The following ASIC4 variants were observed in gnomAD, a reference collection of about 807,000 sequenced individuals.
ASIC4 encodes the protein acid sensing ion channel subunit family member 4.
Under a neutral mutation model 53.4 loss-of-function variants are expected in ASIC4, and 28 were observed. The ratio of observed to expected loss-of-function variants is 0.52; its 90% CI spans 0.39 to 0.72. The LOEUF (loss-of-function observed/expected upper bound fraction) is 0.72. Ranked by LOEUF, ASIC4 falls within the 30% of genes least tolerant of loss-of-function variation. ASIC4 has a pLI of 0.00. For synonymous variants in ASIC4, 289 were observed against 301.4 expected (o/e 0.96, Z 0.43); for missense variants, 649 against 729.7 (o/e 0.89, Z 1.27).
intron 6 of ASIC4, among the ~76,000 whole-genome samples, chr2:219,535,772 CTTTTT>C (rs869106424): frequency 1.6e-4 from 21 of 128,712 alleles, no homozygotes; most frequent in Non-Finnish European, 2.8e-4. Context: ...TCTTCTCCTT[CTTTTT>C]TTTTTTTTTT....
In ASIC4 at chr2:219,536,364, C is replaced by T. The variant is rs1383549015; in HGVS notation, c.1230-702C>T. On this transcript the variant is annotated intron_variant, in intron 6 of 9. Coordinates refer to ENST00000358078, the MANE Select transcript of ASIC4 (RefSeq NM_018674.6). The surrounding 1 kb of genome is among the most constrained non-coding windows in gnomAD (Gnocchi z 4.6). The stretch of plus-strand genomic sequence containing the variant: ...TCTGGTCCCCTCCAGCCAGTCTACA[C>T]TTGTGGAGCGTGGTCTGGGTGCCAG... Among the ~76,000 whole-genome samples the T allele has an allele frequency of 9.2e-5, 14 of 152,228 alleles. No individual in the cohort carries two copies. Among genetic ancestry groups the T allele is most frequent in the Non-Finnish European group, 2.1e-4 (14 of 68,044 alleles).
chr2:219,513,723 A>G (rs988792542), upstream of ASIC4, among the ~76,000 whole-genome samples: 2 of 152,198 alleles, frequency 1.3e-5, no homozygotes, highest in Non-Finnish European at 2.9e-5. Flanking sequence ...GGCCACAGAT[A>G]TGCAAGCTGG....
At chr2:219,511,849 T>TTATCACCCAACTGCTG (rs1367162852), upstream of ASIC4, among the ~76,000 whole-genome samples, 1 of 150,280 alleles carries the variant, frequency 6.7e-6, no homozygotes, top group African/African-American at 2.5e-5. This position sits in a 1 kb window ranked among gnomAD's most constrained non-coding sequence, Gnocchi z 5.3. Flanking sequence ...ATGAGGGAGA[T>TTATCACCCAACTGCTG]TATCACCCAA....
At chr2:219,525,423 G>A (rs1362142124) in intron 1 of ASIC4, among the ~76,000 whole-genome samples, 2 of 152,238 alleles carry the variant, frequency 1.3e-5, no homozygotes, top group Admixed American at 6.5e-5. Context: ...TGATGGAGCT[G>A]GAGCTGAAAC....
At chr2:219,512,420 T>G (rs1694713917), upstream of ASIC4, among the ~76,000 whole-genome samples, 2 of 152,106 alleles carry the variant, frequency 1.3e-5, no homozygotes, top group South Asian at 4.2e-4. Flanking sequence ...CCCGCTTTCT[T>G]GGCAAAGCCC....
At chr2:219,523,878 T>A (rs1574490445) in intron 1 of ASIC4, among the ~76,000 whole-genome samples, 1 of 151,864 alleles carries the variant, frequency 6.6e-6, no homozygotes, top group African/African-American at 2.4e-5. Context: ...TGGAGTGCAG[T>A]GGTGCCATCA....
rs558002264 is a variant in ASIC4, at chr2:219,536,606, G to T, written c.1230-460G>T. Among the ~76,000 whole-genome samples, 20 of 152,250 alleles carry T rather than the reference G, an allele frequency of 1.3e-4. No homozygotes were observed. In the South Asian group the frequency reaches 3.3e-3, roughly 25 times the overall value. On this transcript the variant is annotated intron_variant, in intron 6 of 9. Coordinates refer to ENST00000358078, the MANE Select transcript of ASIC4 (RefSeq NM_018674.6). This position sits in a 1 kb window ranked among gnomAD's most constrained non-coding sequence, Gnocchi z 4.6. ...CCAGTGACAGGACGTGGGGCGGTGG[G>T]GTGGTGTGGCGGGGAGCCTGAGCCA...
the ASIC4 span, among the ~76,000 whole-genome samples, chr2:219,508,806 T>G: frequency 4.3e-4 from 5 of 11,660 alleles, no homozygotes; most frequent in South Asian, 2.5e-3. Context: ...GGGTGGGAAG[T>G]GGGGGATGAG....
intron 1 of ASIC4, among the ~76,000 whole-genome samples, chr2:219,525,719 G>A (rs1694952091): frequency 6.6e-6 from 1 of 152,200 alleles, no homozygotes; most frequent in South Asian, 2.1e-4. Flanking sequence ...ATAAAGCTAG[G>A]CCCTGGGAGC....
chr2:219,522,747 C>T (rs1020107792), intron 1 of ASIC4, among the ~76,000 whole-genome samples: 4 of 151,960 alleles, frequency 2.6e-5, no homozygotes, highest in African/African-American at 9.7e-5. Context: ...CCGGCCGCCG[C>T]GGGGGCGGGC....
intron 1 of ASIC4, among the ~76,000 whole-genome samples, chr2:219,522,068 C>T (rs1180539133): frequency 6.6e-6 from 1 of 152,108 alleles, no homozygotes; most frequent in Non-Finnish European, 1.5e-5. Flanking sequence ...TAGGCTGGGG[C>T]TGGCAGCGCT....
chr2:219,519,422 C>T (rs1036532448), intron 1 of ASIC4, among the ~76,000 whole-genome samples: 6 of 152,350 alleles, frequency 3.9e-5, no homozygotes, highest in East Asian at 1.9e-4. Flanking sequence ...GTCATCGCCC[C>T]GCTTTTGACC....
chr2:219,535,388 G>A, intron 6 of ASIC4, 64 bp downstream of exon 6: 2 of 1,480,760 alleles, frequency 1.4e-6, no homozygotes, highest in South Asian at 1.3e-5. Flanking sequence ...GTGGGGGGTG[G>A]CTGTGTGACT....
chr2:219,529,913 G>A (rs1695014529), intron 1 of ASIC4, among the ~76,000 whole-genome samples: 1 of 151,940 alleles, frequency 6.6e-6, no homozygotes, highest in African/African-American at 2.4e-5. Context: ...GCAGCAGGGT[G>A]GTCTACTTCT....
chr2:219,533,034 T>G, intron 5 of ASIC4, 95 bp downstream of exon 5: 1 of 1,356,306 alleles, frequency 7.4e-7, no homozygotes, highest in Non-Finnish European at 1.1e-6. Flanking sequence ...CCTCCCAATC[T>G]CTTCCTGGAG....
chr2:219,534,412 C>A (rs1432069330), intron 5 of ASIC4, among the ~76,000 whole-genome samples: 1 of 152,224 alleles, frequency 6.6e-6, no homozygotes, highest in African/African-American at 2.4e-5. Context: ...GAGAGAGAGA[C>A]CTGTGGCTGT....
the ASIC4 span, among the ~76,000 whole-genome samples, chr2:219,507,529 C>T: frequency 1.3e-5 from 2 of 152,218 alleles, no homozygotes; most frequent in Non-Finnish European, 2.9e-5. Context: ...TGGTGCCATT[C>T]TCTTCGGAAG....
chr2:219,534,058 A>AAG (rs1559119886), intron 5 of ASIC4: 1 of 149,260 alleles, frequency 6.7e-6, no homozygotes, highest in Non-Finnish European at 1.5e-5. Context: ...AAAAAAAAAA[A>AAG]GAGGAGGGAG....
Position 219,538,090 on chromosome 2 carries a change from C to CCAGG in ASIC4, c.*44_*45insCAGG. 1 of 1,482,358 alleles carries CCAGG rather than the reference C, an allele frequency of 6.7e-7. No homozygotes were observed. The highest frequency in any genetic ancestry group is 9.3e-7 in the Non-Finnish European group (1 of 1,074,216). 91.8% of individuals were successfully genotyped at this position (1,482,358 alleles called of 1,614,324 possible). ...AGGACCCAGGAGTCTGGGACCCCTCCTGGGATCCCCAGCACATTCTCCTGC... is the reference window on the plus strand; with the variant it reads ...AGGACCCAGGAGTCTGGGACCCCTCCCAGGTGGGATCCCCAGCACATTCTCCTGC... On this transcript the variant is annotated 3_prime_UTR_variant, in exon 10 of 10. Transcript: ENST00000358078.
Sources: allele counts gnomAD v4.1 joint callset (sites outside exome capture counted in the v4.1 genomes callset), GRCh38; gene constraint gnomAD v4.1.1; non-coding constraint Gnocchi (gnomAD v3.1); transcripts MANE v1.5; gene names NCBI Gene and HGNC (gene_info 2026-07-23, HGNC 2026-07-21).